SCHIP1: variants seen among roughly 807,000 people sequenced by gnomAD.
The protein encoded by SCHIP1 is schwannomin interacting protein 1.
In SCHIP1, 8 loss-of-function variants were observed where a neutral mutation model predicts 29.7. That is an observed-to-expected ratio of 0.27 (90% CI 0.16 to 0.49). SCHIP1 has a LOEUF of 0.49. SCHIP1 is among the 20% of genes least tolerant of loss of function. The pLI, the probability that SCHIP1 is intolerant of heterozygous loss-of-function variation, is 0.99. For missense variants in SCHIP1, 193 were observed against 294.6 expected (o/e 0.66, Z 2.52); for synonymous variants, 76 against 94.9 (o/e 0.80, Z 1.16).
chr3:159,723,760 C>T, the SCHIP1 span, among the ~76,000 whole-genome samples: 3 of 152,116 alleles, frequency 2.0e-5, no homozygotes, highest in Admixed American at 2.0e-4. Flanking sequence ...ACAATCAGTC[C>T]AAATCAATCA....
At chr3:159,812,463 T>C in the SCHIP1 span, among the ~76,000 whole-genome samples, 1 of 152,198 alleles carries the variant, frequency 6.6e-6, no homozygotes, top group Admixed American at 6.5e-5. Flanking sequence ...TAAGGCCAAA[T>C]GGTGCATTGT....
the SCHIP1 span, among the ~76,000 whole-genome samples, chr3:159,700,617 C>T: frequency 3.3e-5 from 5 of 152,102 alleles, no homozygotes; most frequent in African/African-American, 9.6e-5. Flanking sequence ...GTCAGGAGTT[C>T]GAGACCAGCC....
the SCHIP1 span, among the ~76,000 whole-genome samples, chr3:159,668,376 C>CAAAAAAAAAAAAAAAAAAAAAAAAAAAA: frequency 1.3e-4 from 6 of 46,418 alleles, no homozygotes; most frequent in African/African-American, 3.8e-4. Flanking sequence ...GACTCCGTCT[C>CAAAAAAAAAAAAAAAAAAAAAAAAAAAA]AAAAAAAAAA....
the SCHIP1 span, among the ~76,000 whole-genome samples, chr3:159,345,579 T>G: frequency 0.029 from 4,373 of 151,744 alleles, 89 homozygotes; most frequent in East Asian, 0.11. Flanking sequence ...TCTCTCTCTC[T>G]CACTCACTCA....
the SCHIP1 span, among the ~76,000 whole-genome samples, chr3:159,598,309 C>T: frequency 2.0e-5 from 3 of 152,160 alleles, no homozygotes; most frequent in Non-Finnish European, 4.4e-5. Flanking sequence ...AGTCCAAAGT[C>T]TCATCTGAGG....
chr3:159,539,901 T>A, the SCHIP1 span, among the ~76,000 whole-genome samples: 4 of 83,446 alleles, frequency 4.8e-5, 1 homozygote, highest in Admixed American at 1.2e-4. Context: ...ATGATTCCTC[T>A]TTAGGAAATA....
At chr3:159,360,024 C>A in the SCHIP1 span, among the ~76,000 whole-genome samples, 1 of 152,174 alleles carries the variant, frequency 6.6e-6, no homozygotes, top group Non-Finnish European at 1.5e-5. Flanking sequence ...TAATAAATGA[C>A]ACCTTAGAGC....
chr3:159,735,040 C>T, the SCHIP1 span, among the ~76,000 whole-genome samples: 9 of 151,866 alleles, frequency 5.9e-5, no homozygotes, highest in African/African-American at 1.7e-4. Flanking sequence ...TGTTCAGAGA[C>T]GTGAAGAATT....
At chr3:159,522,139 G>T in the SCHIP1 span, among the ~76,000 whole-genome samples, 1 of 152,206 alleles carries the variant, frequency 6.6e-6, no homozygotes, top group Non-Finnish European at 1.5e-5. Context: ...AGAAATTAAA[G>T]CCTGTGAAAT....
At chr3:159,594,236 T>C in the SCHIP1 span, among the ~76,000 whole-genome samples, 4 of 152,240 alleles carry the variant, frequency 2.6e-5, no homozygotes, top group African/African-American at 7.2e-5. Context: ...AGACAAAAGC[T>C]GGAGGCCAGC....
chr3:159,768,082 C>G, the SCHIP1 span, among the ~76,000 whole-genome samples: 1 of 152,178 alleles, frequency 6.6e-6, no homozygotes, highest in Non-Finnish European at 1.5e-5. Context: ...TGATTTGCCT[C>G]AGACCCAGTG....
At chr3:159,778,859 G>C in the SCHIP1 span, among the ~76,000 whole-genome samples, 1 of 152,262 alleles carries the variant, frequency 6.6e-6, no homozygotes, top group Admixed American at 6.5e-5. Context: ...GTGCACACAC[G>C]GCCTGTGGAG....
At chr3:159,763,659 C>T in the SCHIP1 span, 1 of 152,204 alleles carries the variant, frequency 6.6e-6, no homozygotes. Flanking sequence ...GCGGGACCGG[C>T]TCCACCGCCA....
At chr3:159,737,548 A>C in the SCHIP1 span, among the ~76,000 whole-genome samples, 1 of 152,178 alleles carries the variant, frequency 6.6e-6, no homozygotes, top group Admixed American at 6.6e-5. Flanking sequence ...CCATCTCACC[A>C]CAGTTATGTG....
the SCHIP1 span, among the ~76,000 whole-genome samples, chr3:159,606,460 T>C: frequency 4.6e-3 from 701 of 152,314 alleles, 3 homozygotes; most frequent in Non-Finnish European, 7.5e-3. Context: ...GAAATCATGA[T>C]CTTACTGCAT....
chr3:159,522,023 C>A, the SCHIP1 span, among the ~76,000 whole-genome samples: 2 of 152,128 alleles, frequency 1.3e-5, no homozygotes, highest in South Asian at 2.1e-4. Context: ...AGCCTGTGAT[C>A]AGAGGACAAA....
At chr3:159,634,256 G>A in the SCHIP1 span, among the ~76,000 whole-genome samples, 1 of 152,156 alleles carries the variant, frequency 6.6e-6, no homozygotes, top group South Asian at 2.1e-4. Context: ...GCAATGGATT[G>A]CCTCTGGGAG....
chr3:159,530,177 G>T, the SCHIP1 span, among the ~76,000 whole-genome samples: 1 of 152,098 alleles, frequency 6.6e-6, no homozygotes, highest in Non-Finnish European at 1.5e-5. Flanking sequence ...CCTCCATACT[G>T]TTTTCCATAG....
chr3:159,742,450 C>T, the SCHIP1 span, among the ~76,000 whole-genome samples: 5 of 152,132 alleles, frequency 3.3e-5, no homozygotes, highest in Non-Finnish European at 7.3e-5. Context: ...CTCGTCCATC[C>T]ATTCTTCTGA....
Sources: gnomAD v4.1 joint callset for allele counts (sites outside exome capture counted in the v4.1 genomes callset) on GRCh38, gnomAD v4.1.1 for gene constraint, MANE v1.5 for transcripts, NCBI Gene and HGNC (gene_info 2026-07-23, HGNC 2026-07-21) for gene names.